The following KLHL7 variants were observed in gnomAD, a reference collection of about 807,000 sequenced individuals.
The protein encoded by KLHL7 is kelch-like protein 7.
Under a neutral mutation model 67.4 loss-of-function variants are expected in KLHL7, and 44 were observed. The ratio of observed to expected loss-of-function variants is 0.65; its 90% CI spans 0.51 to 0.84. The LOEUF (loss-of-function observed/expected upper bound fraction) is 0.84, where lower values mean the gene tolerates loss of function less well. KLHL7 is among the 40% of genes least tolerant of loss of function. The pLI is 0.00. For synonymous variants in KLHL7, 252 were observed against 243.3 expected (o/e 1.04, Z -0.33); for missense variants, 362 against 718.1 (o/e 0.50, Z 5.67).
intron 8 of KLHL7, among the ~76,000 whole-genome samples, chr7:23,166,576 T>C (rs1188179426): frequency 6.6e-6 from 1 of 152,184 alleles, no homozygotes; most frequent in Non-Finnish European, 1.5e-5. Context: ...TTAGCTTAAA[T>C]AATGGGCTAA....
chr7:23,166,753 T>C (rs1265386035), intron 8 of KLHL7, among the ~76,000 whole-genome samples: 1 of 152,194 alleles, frequency 6.6e-6, no homozygotes, highest in Non-Finnish European at 1.5e-5. Context: ...TGTAGAATAT[T>C]TCAAATACAA....
intron 2 of KLHL7, 120 bp downstream of exon 2, chr7:23,123,999 G>T (rs769272307): frequency 8.1e-6 from 6 of 736,964 alleles, no homozygotes; most frequent in Non-Finnish European, 1.2e-5. Context: ...CCACAGAACA[G>T]TGAAGAGATT....
rs117213652 is a variant in KLHL7 at position 23,150,011 on chromosome 7, G to C, written c.794-2056G>C. On this transcript the variant is annotated intron_variant, in intron 6 of 10. Coordinates refer to ENST00000339077, the MANE Select transcript of KLHL7 (RefSeq NM_001031710.3). ...TGTTTTGCATGTGTCAGGAATTTTT[G>C]GGCCAGGCATGCTGTTTCAGGCCTG... Among the ~76,000 whole-genome samples the C allele has an allele frequency of 5.8e-3, 877 of 152,134 alleles. 5 individuals are homozygous for C. The highest frequency in any genetic ancestry group is 6.2e-3 in the Non-Finnish European group (424 of 68,000).
intron 4 of KLHL7, among the ~76,000 whole-genome samples, chr7:23,130,219 T>C (rs886960803): frequency 2.0e-5 from 3 of 152,230 alleles, no homozygotes; most frequent in Non-Finnish European, 4.4e-5. Context: ...TTTCATTTTT[T>C]TCTGGAAAAG....
chr7:23,162,642 A>G (rs1784884101), intron 7 of KLHL7, among the ~76,000 whole-genome samples: 1 of 152,246 alleles, frequency 6.6e-6, no homozygotes, highest in African/African-American at 2.4e-5. Context: ...TGTAAGATGA[A>G]TGAAGCCAAA....
At chr7:23,133,776 A>G (rs980461445) in intron 4 of KLHL7, among the ~76,000 whole-genome samples, 1 of 152,170 alleles carries the variant, frequency 6.6e-6, no homozygotes, top group East Asian at 1.9e-4. Context: ...GTGTATAGTA[A>G]TGCTACTAAG....
chr7:23,115,688 G>A (rs902883752), intron 1 of KLHL7, among the ~76,000 whole-genome samples: 1 of 151,802 alleles, frequency 6.6e-6, no homozygotes, highest in African/African-American at 2.4e-5. Context: ...GGATTACCGG[G>A]CGTCCACCAC....
chr7:23,132,505 T>G (rs897302283), intron 4 of KLHL7, among the ~76,000 whole-genome samples: 1 of 152,222 alleles, frequency 6.6e-6, no homozygotes, highest in Non-Finnish European at 1.5e-5. Flanking sequence ...CTTTATTAGA[T>G]TTTTTTCTTA....
intron 8 of KLHL7, 144 bp downstream of exon 8, chr7:23,166,082 C>A (rs1216084385): frequency 2.0e-6 from 2 of 976,116 alleles, no homozygotes; most frequent in Admixed American, 2.1e-5. Context: ...TTTTAGAGCT[C>A]ATCTCCCTGA....
intron 7 of KLHL7, among the ~76,000 whole-genome samples, chr7:23,157,948 T>C (rs1446836618): frequency 6.6e-6 from 1 of 152,106 alleles, no homozygotes; most frequent in Non-Finnish European, 1.5e-5. Flanking sequence ...AAAATGGGAA[T>C]GTTATCTCCG....
chr7:23,144,413 T>C (rs1254510389), intron 6 of KLHL7, among the ~76,000 whole-genome samples: 1 of 152,260 alleles, frequency 6.6e-6, no homozygotes, highest in Non-Finnish European at 1.5e-5. Flanking sequence ...CGTTTTCATT[T>C]GCTTCCATTT....
intron 1 of KLHL7, chr7:23,106,761 G>GTT: frequency 1.0e-6 from 1 of 985,670 alleles, no homozygotes; most frequent in Non-Finnish European, 1.2e-6. Flanking sequence ...GGTGTGTGGT[G>GTT]CATTCGTGAA....
intron 1 of KLHL7, among the ~76,000 whole-genome samples, chr7:23,118,924 TA>T (rs1783213091): frequency 6.6e-6 from 1 of 151,856 alleles, no homozygotes; most frequent in African/African-American, 2.4e-5. Flanking sequence ...AAAAAAAAAT[TA>T]GCCAGGCATG....
Position 23,175,785 on chromosome 7 carries a change from A to AC in KLHL7, c.*1491dup, listed in dbSNP as rs35212372. 0.085 allele frequency: 13,921 copies of AC among 164,636 alleles called. 830 individuals carry two copies. Among genetic ancestry groups the AC allele is most frequent in the Admixed American group, 0.16 (2,755 of 17,166 alleles). 10.2% of individuals were successfully genotyped at this position (164,636 alleles called of 1,614,324 possible). A position where few individuals can be genotyped will look rare whatever the true frequency, so the allele number is the denominator to read the frequency against. On this transcript the variant is annotated 3_prime_UTR_variant, in exon 11 of 11. Coordinates refer to ENST00000339077, the MANE Select transcript of KLHL7 (RefSeq NM_001031710.3). ...AGACCACCCTGGCCAACATGATGAGACCCCGTCTCTACTAAAAATACAAAA... is the reference window on the plus strand; with the variant it reads ...AGACCACCCTGGCCAACATGATGAGACCCCCGTCTCTACTAAAAATACAAAA...
chr7:23,112,787 GTAGAA>G (rs1782928229), intron 1 of KLHL7, among the ~76,000 whole-genome samples: 1 of 152,252 alleles, frequency 6.6e-6, no homozygotes, highest in South Asian at 2.1e-4. Flanking sequence ...GCTGAAGTGA[GTAGAA>G]TATGAGGAAA....
At chr7:23,129,971 T>C (rs916776890) in intron 4 of KLHL7, 3 of 152,270 alleles carry the variant, frequency 2.0e-5, no homozygotes, top group Admixed American at 6.5e-5. Context: ...CATGTATAAG[T>C]TCTTTGAAAA....
rs775931787 is a variant in KLHL7, at chr7:23,175,056, G to C, written c.*758G>C. 1 of 453,796 alleles carries C rather than the reference G, an allele frequency of 2.2e-6. No homozygotes were observed. The highest frequency in any genetic ancestry group is 1.6e-5 in the South Asian group (1 of 64,412). The allele number at this position is 453,796 out of a possible 1,614,324, so 28.1% of individuals were successfully genotyped here. ...CACTGTTAAATAAAACCCAATCATA[G>C]TAAGTGATTAACTAGCAAAAAGTAA... On this transcript the variant is annotated 3_prime_UTR_variant, in exon 11 of 11. Coordinates refer to ENST00000339077, the MANE Select transcript of KLHL7 (RefSeq NM_001031710.3).
intron 4 of KLHL7, among the ~76,000 whole-genome samples, chr7:23,131,404 G>A (rs915180609): frequency 6.6e-6 from 1 of 151,950 alleles, no homozygotes; most frequent in African/African-American, 2.4e-5. Context: ...AATTATTGTT[G>A]ATCTTTGAAA....
At chr7:23,141,150 C>G (rs1198424904) in intron 5 of KLHL7, among the ~76,000 whole-genome samples, 1 of 152,156 alleles carries the variant, frequency 6.6e-6, no homozygotes, top group African/African-American at 2.4e-5. Flanking sequence ...CCATTGGGTA[C>G]CATGGTAGGC....
Sources: gnomAD v4.1 joint callset for allele counts (sites outside exome capture counted in the v4.1 genomes callset) on GRCh38, gnomAD v4.1.1 for gene constraint, MANE v1.5 for transcripts, NCBI Gene and HGNC (gene_info 2026-07-23, HGNC 2026-07-21) for gene names.